DCAF16: variants seen among roughly 807,000 people sequenced by gnomAD.
DCAF16 encodes DDB1- and CUL4-associated factor 16.
In DCAF16, 10 loss-of-function variants were observed where a neutral mutation model predicts 17.3. The ratio of observed to expected loss-of-function variants is 0.58; its 90% confidence interval spans 0.36 to 0.98. The LOEUF is 0.98. DCAF16 is among the 50% of genes least tolerant of loss of function. The pLI is 0.01. For missense variants in DCAF16, 249 were observed against 247.6 expected (o/e 1.01, Z -0.04); for synonymous variants, 111 against 92.8 (o/e 1.20, Z -1.12).
rs1460582172 is a variant in DCAF16, at chr4:17,803,711, G to C, written c.431C>G (p.Ala144Gly). The change falls in exon 3 of 3, where the codon GCA becomes GGA. Residue 144 changes from alanine to glycine, a missense_variant. Physicochemically the swap from Ala to Gly is moderately conservative, Grantham distance 60. Coordinates refer to ENST00000382247, the MANE Select transcript of DCAF16 (RefSeq NM_017741.4). ...TAGCTGTTTGGTGGCAAATTGCAGTGCTCCATTTAGAGTGGCATGATCTCT... is the reference window on the plus strand; with the variant it reads ...TAGCTGTTTGGTGGCAAATTGCAGTCCTCCATTTAGAGTGGCATGATCTCT... ...LSRDHATLNG[A>G]LQFATKQLSR... 6.2e-7 allele frequency: 1 copy of C among 1,614,176 alleles called. No homozygotes were observed. The highest frequency in any genetic ancestry group is 1.7e-5 in the Admixed American group (1 of 60,028).
In DCAF16 at chr4:17,810,506, G is replaced by A. The variant is rs1271845333; in HGVS notation, c.-809C>T. 6.6e-6 allele frequency: 1 copy of A among 152,360 alleles called. No homozygotes were observed. The highest frequency in any genetic ancestry group is 2.4e-5 in the African/African-American group (1 of 41,472). The allele number at this position is 152,360 out of a possible 1,614,324, so 9.4% of individuals were successfully genotyped here. On this transcript the variant is annotated 5_prime_UTR_variant, in exon 1 of 3. Coordinates refer to ENST00000382247, the MANE Select transcript of DCAF16 (RefSeq NM_017741.4). ...CGTCTCCCTTCTCAGAGGTGGCCGG[G>A]CCTCCGGAACGCGCTACGAACTTTC...
At chr4:17,798,780 C>T (rs1223892790), downstream of DCAF16, among the ~76,000 whole-genome samples, 1 of 152,094 alleles carries the variant, frequency 6.6e-6, no homozygotes, top group African/African-American at 2.4e-5. Context: ...ACTGCGGCTG[C>T]TAATTGAAAG....
rs1295367927 is a variant in DCAF16, at chr4:17,806,444, A to T, written c.-749-1219T>A. Among the ~76,000 whole-genome samples the T allele has an allele frequency of 2.0e-5, 3 of 152,314 alleles. No individual in the cohort carries two copies. In the East Asian group the frequency reaches 5.8e-4, roughly 29 times the overall value. On this transcript the variant is annotated intron_variant, in intron 1 of 2. Transcript: ENST00000382247. ...AGCAATACTAACTTTTATACCAGCA[A>T]TACTAACTAGACCATATATAAAGAC...
Position 17,803,732 on chromosome 4 carries a change from T to C in DCAF16, c.410A>G (p.Asp137Gly), listed in dbSNP as rs1397616535. 3.1e-6 allele frequency: 5 copies of C among 1,613,980 alleles called. No individual in the cohort carries two copies. The highest frequency in any genetic ancestry group is 4.2e-6 in the Non-Finnish European group (5 of 1,180,028). ...CAGTGCTCCATTTAGAGTGGCATGATCTCTAGAGAGCCGGCTGGGACTTGT... is the reference window on the plus strand; with the variant it reads ...CAGTGCTCCATTTAGAGTGGCATGACCTCTAGAGAGCCGGCTGGGACTTGT... ...PLTSPSRLSR[D>G]HATLNGALQF... The change falls in exon 3 of 3, where the codon GAT (aspartate) becomes GGT (glycine). Residue 137 changes from aspartate to glycine, a missense_variant. Physicochemically the swap from Asp to Gly is moderately conservative, Grantham distance 94. Transcript: ENST00000382247.
chr4:17,809,156 ATAAGG>A (rs1048668046), intron 1 of DCAF16, among the ~76,000 whole-genome samples: 1 of 152,240 alleles, frequency 6.6e-6, no homozygotes, highest in African/African-American at 2.4e-5. Flanking sequence ...AGGAGAATGG[ATAAGG>A]TATGGCATAT....
Position 17,803,546 on chromosome 4 carries a change from T to G in DCAF16, c.596A>C (p.Tyr199Ser), listed in dbSNP as rs753251137. The change falls in exon 3 of 3, where the codon TAT becomes TCT. Residue 199 changes from tyrosine (Y) to serine (S), a missense_variant. By Grantham distance (144) the Tyr-to-Ser change is moderately radical. Coordinates refer to ENST00000382247, the MANE Select transcript of DCAF16 (RefSeq NM_017741.4). Reference sequence around the variant, plus strand: ...TGCCTTTTGGAAGTCAGTGTAAGAATAAGTAGTGTTGATGGGTTCAGTACG... The same window carrying G: ...TGCCTTTTGGAAGTCAGTGTAAGAAGAAGTAGTGTTGATGGGTTCAGTACG... ...TTRTEPINTT[Y>S]SYTDFQKAVN... The G allele has an allele frequency of 1.0e-4, 161 of 1,614,198 alleles. No individual in the cohort carries two copies. The highest frequency in any genetic ancestry group is 1.6e-4 in the Middle Eastern group (1 of 6,062).
chr4:17,804,133 A>G lies in DCAF16; in HGVS notation c.9T>C (p.Pro3=). Reference sequence around the variant, plus strand: ...ACAAGTGGTCAGGAGAGGGATTTCTAGGACCCATCAGAATAAAACACAGTA... The same window carrying G: ...ACAAGTGGTCAGGAGAGGGATTTCTGGGACCCATCAGAATAAAACACAGTA... MG[P]RNPSPDHLSE... The change falls in exon 3 of 3, where the codon CCT becomes CCC. Residue 3 remains proline (P), a synonymous_variant. Coordinates refer to ENST00000382247, the MANE Select transcript of DCAF16 (RefSeq NM_017741.4). 6.2e-7 allele frequency: 1 copy of G among 1,612,906 alleles called. No homozygotes were observed.
the DCAF16 span, among the ~76,000 whole-genome samples, chr4:17,794,254 T>C: frequency 6.6e-6 from 1 of 152,214 alleles, no homozygotes; most frequent in Non-Finnish European, 1.5e-5. Context: ...ATATACATAA[T>C]GAGATATCTT....
At chr4:17,796,659 A>G (rs754253608), downstream of DCAF16, among the ~76,000 whole-genome samples, 1 of 152,188 alleles carries the variant, frequency 6.6e-6, no homozygotes, top group Non-Finnish European at 1.5e-5. Context: ...GTGAGCCGAG[A>G]TCGCACCACT....
rs1347349195 is a variant in DCAF16 at position 17,802,630 on chromosome 4, T to C, written c.*861A>G. 7.1e-6 allele frequency: 1 copy of C among 140,892 alleles called. No individual in the cohort carries two copies. The allele number at this position is 140,892 out of a possible 1,614,324, so 8.7% of individuals were successfully genotyped here. A position where few individuals can be genotyped will look rare whatever the true frequency, so the allele number is the denominator to read the frequency against. On this transcript the variant is annotated 3_prime_UTR_variant, in exon 3 of 3. Transcript: ENST00000382247. The stretch of plus-strand genomic sequence containing the variant: ...CCTTTGTGTAGTTACCCAGTTTAAT[T>C]CAACTACCTCAAAAAAAAAAAAAAA...
In DCAF16 at chr4:17,803,536, A is replaced by G. The variant is rs766590289; in HGVS notation, c.606T>C (p.Thr202=). 6.2e-7 allele frequency: 1 copy of G among 1,614,204 alleles called. No homozygotes were observed. The change falls in exon 3 of 3, where the codon ACT becomes ACC. Residue 202 remains threonine (T), a synonymous_variant. Coordinates refer to ENST00000382247, the MANE Select transcript of DCAF16 (RefSeq NM_017741.4). The stretch of plus-strand genomic sequence containing the variant: ...GTTTGTTAACTGCCTTTTGGAAGTC[A>G]GTGTAAGAATAAGTAGTGTTGATGG... The part of the protein sequence containing the change: ...TEPINTTYSY[T]DFQKAVNKLL...
In DCAF16 at chr4:17,801,886, G is replaced by A. The variant is rs1010716368; in HGVS notation, c.*1605C>T. The A allele has an allele frequency of 9.2e-5, 14 of 152,104 alleles. No homozygotes were observed. The highest frequency in any genetic ancestry group is 1.3e-4 in the Non-Finnish European group (9 of 68,064). 9.4% of individuals were successfully genotyped at this position (152,104 alleles called of 1,614,324 possible). On this transcript the variant is annotated 3_prime_UTR_variant, in exon 3 of 3. Coordinates refer to ENST00000382247, the MANE Select transcript of DCAF16 (RefSeq NM_017741.4). Reference sequence around the variant, plus strand: ...TGGGAGGCCGAGGCAGGTGGATCACGAGGTCAGGAGATCAAGACCATCCTG... The same window carrying A: ...TGGGAGGCCGAGGCAGGTGGATCACAAGGTCAGGAGATCAAGACCATCCTG...
Position 17,802,286 on chromosome 4 carries a change from C to T in DCAF16, c.*1205G>A, listed in dbSNP as rs182110886. ...CATTCATCTTTTGAAATGTTATTTA[C>T]TCTTGACAAAAGTCTGAGTACCAAG... On this transcript the variant is annotated 3_prime_UTR_variant, in exon 3 of 3. Transcript: ENST00000382247. 4 of 152,616 alleles carry T rather than the reference C, an allele frequency of 2.6e-5. No individual in the cohort carries two copies. The highest frequency in any genetic ancestry group is 1.3e-4 in the Admixed American group (2 of 15,296). 9.5% of individuals were successfully genotyped at this position (152,616 alleles called of 1,614,324 possible).
chr4:17,797,362 G>A (rs1255444018), downstream of DCAF16, among the ~76,000 whole-genome samples: 1 of 152,086 alleles, frequency 6.6e-6, no homozygotes, highest in Non-Finnish European at 1.5e-5. Flanking sequence ...ATGTATTCGG[G>A]TGTCCTGTAT....
chr4:17,808,417 T>G (rs1271405129), intron 1 of DCAF16, among the ~76,000 whole-genome samples: 2 of 152,176 alleles, frequency 1.3e-5, no homozygotes, highest in African/African-American at 4.8e-5. Flanking sequence ...AGAAAATTTT[T>G]AAAAAGGCTC....
At chr4:17,809,805 G>A (rs1430807715) in intron 1 of DCAF16, 1 of 152,176 alleles carries the variant, frequency 6.6e-6, no homozygotes, top group Non-Finnish European at 1.5e-5. Flanking sequence ...CTCAAGAAAT[G>A]GGGGCTTGCG....
intron 1 of DCAF16, among the ~76,000 whole-genome samples, chr4:17,808,593 A>C (rs1455240664): frequency 6.6e-6 from 1 of 151,230 alleles, no homozygotes. Flanking sequence ...CCATGGCTTT[A>C]ACCATTAAAA....
chr4:17,795,356 A>G, the DCAF16 span, among the ~76,000 whole-genome samples: 1 of 150,434 alleles, frequency 6.6e-6, no homozygotes, highest in Non-Finnish European at 1.5e-5. Context: ...GTGCTTTGGT[A>G]TTTTTTAATT....
At chr4:17,798,310 CT>C (rs61478198), downstream of DCAF16, among the ~76,000 whole-genome samples, 4,701 of 131,222 alleles carry the variant, frequency 0.036, 223 homozygotes, top group African/African-American at 0.11. Context: ...TGTTATTTTC[CT>C]TTTTTTTTTT....
Sources: allele counts gnomAD v4.1 joint callset (sites outside exome capture counted in the v4.1 genomes callset), GRCh38; gene constraint gnomAD v4.1.1; transcripts MANE v1.5; gene names NCBI Gene and HGNC (gene_info 2026-07-23, HGNC 2026-07-21).